The following TTC23 variants were observed in gnomAD, a reference collection of about 807,000 sequenced individuals.
TTC23 encodes tetratricopeptide repeat protein 23.
In TTC23, 58 loss-of-function variants were observed where a neutral mutation model predicts 55.1. The observed-to-expected ratio is 1.05, with a 90% CI of 0.85 to 1.31. The LOEUF (loss-of-function observed/expected upper bound fraction) is 1.31, where lower values mean the gene tolerates loss of function less well. Among genes scored for constraint, TTC23 ranks in the 50% most tolerant of loss-of-function variants. The pLI is 0.00. For missense variants in TTC23, 516 were observed against 534.4 expected (o/e 0.97, Z 0.34); for synonymous variants, 203 against 199.9 (o/e 1.02, Z -0.13).
chr15:99,195,687 T>A (rs2075635351), intron 9 of TTC23, among the ~76,000 whole-genome samples: 1 of 152,084 alleles, frequency 6.6e-6, no homozygotes. Context: ...ACCCACAGAA[T>A]GTACAATGCC....
intron 6 of TTC23, among the ~76,000 whole-genome samples, chr15:99,220,396 G>T (rs1436798658): frequency 6.6e-6 from 1 of 152,206 alleles, no homozygotes; most frequent in Non-Finnish European, 1.5e-5. Context: ...GGCTGTATAA[G>T]AAAAGCATCG....
In TTC23 at chr15:99,188,368, T is replaced by C. The variant is rs535745183; in HGVS notation, c.759+11551A>G. ...AGGGAGGAATGACTGCCAATGGGTA[T>C]GGAATTTCTTGAAAATACTCTGGAA... On this transcript the variant is annotated intron_variant, in intron 9 of 13. Coordinates refer to ENST00000394132, the MANE Select transcript of TTC23 (RefSeq NM_001288615.3). Among the ~76,000 whole-genome samples the C allele has an allele frequency of 2.1e-3, 318 of 152,098 alleles. 1 individual carries two copies. The highest frequency in any genetic ancestry group is 6.5e-3 in the African/African-American group (269 of 41,534).
chr15:99,161,936 A>T, intron 10 of TTC23, 69 bp from the exon 11 acceptor site: 2 of 1,475,478 alleles, frequency 1.4e-6, no homozygotes, highest in Non-Finnish European at 1.8e-6. Flanking sequence ...GAATAAATAT[A>T]CTGTTAGCAG....
At chr15:99,190,176 C>T (rs1268623209) in intron 9 of TTC23, among the ~76,000 whole-genome samples, 1 of 121,776 alleles carries the variant, frequency 8.2e-6, no homozygotes, top group Admixed American at 8.4e-5. Context: ...CAAGACCTGT[C>T]TAAAAAAAGA....
intron 8 of TTC23, among the ~76,000 whole-genome samples, chr15:99,207,569 G>C (rs2076723693): frequency 6.6e-6 from 1 of 152,110 alleles, no homozygotes; most frequent in South Asian, 2.1e-4. Flanking sequence ...AGACCAGCCT[G>C]GCCACGGTGA....
At chr15:99,142,104 G>T (rs999907738) in intron 12 of TTC23, among the ~76,000 whole-genome samples, 7 of 152,136 alleles carry the variant, frequency 4.6e-5, no homozygotes, top group African/African-American at 1.4e-4. Flanking sequence ...TAGAAATTTA[G>T]GAACTTTGAC....
chr15:99,211,896 T>C (rs955424377), intron 8 of TTC23, among the ~76,000 whole-genome samples: 1 of 152,186 alleles, frequency 6.6e-6, no homozygotes, highest in African/African-American at 2.4e-5. Flanking sequence ...GGATTCACCA[T>C]GTTGACCAGG....
intron 5 of TTC23, among the ~76,000 whole-genome samples, chr15:99,224,778 A>G (rs1248699367): frequency 2.6e-5 from 4 of 152,206 alleles, no homozygotes; most frequent in Admixed American, 2.6e-4. Context: ...TGAACTGAGT[A>G]CAAATTGTGG....
chr15:99,145,293 T>G (rs1273738867), intron 12 of TTC23: 1 of 152,238 alleles, frequency 6.6e-6, no homozygotes, highest in African/African-American at 2.4e-5. Context: ...GAAGTGAGCC[T>G]TGCTCTCAGG....
chr15:99,139,225 A>T (rs782414412), intron 13 of TTC23, 92 bp downstream of exon 13: 31 of 1,495,192 alleles, frequency 2.1e-5, no homozygotes, highest in Non-Finnish European at 2.8e-5. Context: ...ATTCCAGAGA[A>T]GGTTACACAG....
At chr15:99,148,105 G>A (rs1555494857) in intron 12 of TTC23, among the ~76,000 whole-genome samples, 2 of 151,980 alleles carry the variant, frequency 1.3e-5, no homozygotes, top group South Asian at 2.1e-4. Flanking sequence ...GCTCATGCCT[G>A]TAAGCCTAGC....
At chr15:99,186,101 T>C (rs917749029) in intron 9 of TTC23, among the ~76,000 whole-genome samples, 8 of 152,182 alleles carry the variant, frequency 5.3e-5, no homozygotes, top group African/African-American at 2.4e-5. Flanking sequence ...GTAAATCTCC[T>C]AAAGGAAAGA....
chr15:99,162,922 CA>C (rs1193808660), intron 10 of TTC23, among the ~76,000 whole-genome samples: 39 of 145,876 alleles, frequency 2.7e-4, no homozygotes, highest in East Asian at 4.0e-4. Context: ...TAAACAATAC[CA>C]AAAAAAAAAA....
At chr15:99,196,444 G>C (rs979502128) in intron 9 of TTC23, among the ~76,000 whole-genome samples, 1 of 152,154 alleles carries the variant, frequency 6.6e-6, no homozygotes, top group African/African-American at 2.4e-5. Flanking sequence ...TTTTGTATAA[G>C]AATATTTACA....
intron 9 of TTC23, among the ~76,000 whole-genome samples, chr15:99,179,514 T>A (rs2073921492): frequency 6.6e-6 from 1 of 152,254 alleles, no homozygotes; most frequent in African/African-American, 2.4e-5. Context: ...GAACATATTG[T>A]GGTTTATTCT....
At chr15:99,203,264 T>C (rs2076340018) in intron 8 of TTC23, among the ~76,000 whole-genome samples, 1 of 152,006 alleles carries the variant, frequency 6.6e-6, no homozygotes, top group African/African-American at 2.4e-5. Flanking sequence ...ACAAAAGATA[T>C]ATAAAAGGAG....
intron 5 of TTC23, among the ~76,000 whole-genome samples, chr15:99,227,652 G>A (rs1284981300): frequency 6.6e-6 from 1 of 152,120 alleles, no homozygotes; most frequent in Non-Finnish European, 1.5e-5. Context: ...CTCAGTTCCT[G>A]CCCATAATCC....
intron 9 of TTC23, among the ~76,000 whole-genome samples, chr15:99,180,703 T>C (rs2074030439): frequency 6.6e-6 from 1 of 152,190 alleles, no homozygotes; most frequent in South Asian, 2.1e-4. Context: ...GGGTGGGTCT[T>C]GGGGGTTAGG....
chr15:99,154,494 G>T (rs1341960246), intron 12 of TTC23, among the ~76,000 whole-genome samples: 1 of 152,134 alleles, frequency 6.6e-6, no homozygotes, highest in Non-Finnish European at 1.5e-5. Flanking sequence ...GCTGAGTTTG[G>T]CCTCCTTTTC....
Sources: gnomAD v4.1 joint callset for allele counts (sites outside exome capture counted in the v4.1 genomes callset) on GRCh38, gnomAD v4.1.1 for gene constraint, MANE v1.5 for transcripts, NCBI Gene and HGNC (gene_info 2026-07-23, HGNC 2026-07-21) for gene names.